Variants in RPS6KC1 observed in about 807,000 individuals in gnomAD.
RPS6KC1 encodes ribosomal protein S6 kinase C1.
Under a neutral mutation model 103.8 loss-of-function variants are expected in RPS6KC1, and 54 were observed. That is an observed-to-expected ratio of 0.52 (90% CI 0.42 to 0.65). RPS6KC1 has a LOEUF of 0.65. Among genes scored for constraint, RPS6KC1 ranks in the 30% least tolerant of loss-of-function variants. The pLI is 0.00. For missense variants in RPS6KC1, 1,151 were observed against 1,253.8 expected, an observed-to-expected ratio of 0.92 and a Z score of 1.24; for synonymous variants, 439 against 438.7, an observed-to-expected ratio of 1.00 and a Z score of -0.01.
chr1:213,837,418 A>G, the RPS6KC1 span: 4 of 152,340 alleles, frequency 2.6e-5, no homozygotes, highest in East Asian at 5.8e-4. Context: ...TTCAGAAGCA[A>G]AACAGTAAAT....
the RPS6KC1 span, among the ~76,000 whole-genome samples, chr1:213,403,225 G>A: frequency 1.3e-5 from 2 of 152,102 alleles, no homozygotes; most frequent in Non-Finnish European, 2.9e-5. Flanking sequence ...CACTTGCCAC[G>A]CTTTTCAACT....
the RPS6KC1 span, among the ~76,000 whole-genome samples, chr1:213,557,042 T>G: frequency 1.3e-5 from 2 of 152,250 alleles, no homozygotes; most frequent in Admixed American, 6.5e-5. Context: ...GTGGATCCAT[T>G]GTGTGAGGAG....
At chr1:213,301,384 C>T in the RPS6KC1 span, among the ~76,000 whole-genome samples, 1 of 152,132 alleles carries the variant, frequency 6.6e-6, no homozygotes, top group Non-Finnish European at 1.5e-5. Flanking sequence ...TTACACATTA[C>T]TCATTATAGA....
At chr1:213,565,813 G>C in the RPS6KC1 span, among the ~76,000 whole-genome samples, 20,574 of 152,032 alleles carry the variant, frequency 0.14, 1,601 homozygotes, top group Non-Finnish European at 0.17. Flanking sequence ...AAACCTGTAG[G>C]CTGGGCATGG....
At chr1:213,524,310 T>A in the RPS6KC1 span, among the ~76,000 whole-genome samples, 1 of 151,852 alleles carries the variant, frequency 6.6e-6, no homozygotes, top group East Asian at 1.9e-4. Flanking sequence ...AGAGGCCCTG[T>A]CTTACCCCAG....
intron 6 of RPS6KC1, among the ~76,000 whole-genome samples, chr1:213,158,466 T>C (rs2090137494): frequency 2.0e-5 from 3 of 152,228 alleles, no homozygotes; most frequent in Admixed American, 2.0e-4. Flanking sequence ...TTTAAGTTGT[T>C]ATAATACTTT....
chr1:213,804,948 C>G, the RPS6KC1 span, among the ~76,000 whole-genome samples: 5 of 152,176 alleles, frequency 3.3e-5, no homozygotes, highest in African/African-American at 1.2e-4. Context: ...AAGCAAATAT[C>G]GCAACAAAGC....
At chr1:213,678,076 A>T in the RPS6KC1 span, among the ~76,000 whole-genome samples, 2 of 151,910 alleles carry the variant, frequency 1.3e-5, no homozygotes, top group African/African-American at 4.8e-5. Context: ...CCTCTGAAGG[A>T]GTTTCTTGTT....
At chr1:213,290,251 G>A in the RPS6KC1 span, among the ~76,000 whole-genome samples, 1 of 151,982 alleles carries the variant, frequency 6.6e-6, no homozygotes, top group Non-Finnish European at 1.5e-5. Flanking sequence ...GCCAACGTGA[G>A]CCACGTTAGG....
At chr1:213,504,703 T>G in the RPS6KC1 span, among the ~76,000 whole-genome samples, 1 of 152,232 alleles carries the variant, frequency 6.6e-6, no homozygotes, top group Admixed American at 6.5e-5. Flanking sequence ...TTCTATTATT[T>G]TGTATCATTT....
chr1:213,322,700 T>G, the RPS6KC1 span, among the ~76,000 whole-genome samples: 1 of 152,232 alleles, frequency 6.6e-6, no homozygotes, highest in African/African-American at 2.4e-5. Context: ...CTGCCAGAAT[T>G]CCTCAGCTCG....
At chr1:213,280,245 G>C in the RPS6KC1 span, among the ~76,000 whole-genome samples, 30 of 152,186 alleles carry the variant, frequency 2.0e-4, no homozygotes, top group Non-Finnish European at 3.2e-4. Flanking sequence ...GATGGGCAGT[G>C]GTTCAGTTCC....
the RPS6KC1 span, among the ~76,000 whole-genome samples, chr1:213,653,972 A>C: frequency 5.3e-5 from 8 of 152,046 alleles, no homozygotes; most frequent in African/African-American, 1.9e-4. Flanking sequence ...TCAGGACTTG[A>C]GGTCATGTCT....
the RPS6KC1 span, among the ~76,000 whole-genome samples, chr1:213,836,323 G>T: frequency 1.3e-5 from 2 of 151,872 alleles, no homozygotes; most frequent in African/African-American, 4.8e-5. Context: ...AATTCCAAAT[G>T]ATGTTTTTGA....
At chr1:213,627,297 G>T in the RPS6KC1 span, among the ~76,000 whole-genome samples, 31 of 152,292 alleles carry the variant, frequency 2.0e-4, no homozygotes, top group African/African-American at 7.5e-4. Context: ...TGCTGAAGTT[G>T]CCTGTCAGCT....
chr1:213,068,183 A>G (rs1027293408), intron 1 of RPS6KC1, among the ~76,000 whole-genome samples: 2 of 152,140 alleles, frequency 1.3e-5, no homozygotes, highest in African/African-American at 4.8e-5. Context: ...TTCTCAATAC[A>G]TTTCATAAAA....
At chr1:213,647,611 C>A in the RPS6KC1 span, among the ~76,000 whole-genome samples, 4 of 152,102 alleles carry the variant, frequency 2.6e-5, no homozygotes, top group Non-Finnish European at 4.4e-5. Flanking sequence ...CCTGAGGTTC[C>A]TTTCAGCTCT....
rs2078304791 is a variant in RPS6KC1 at position 213,066,102 on chromosome 1, TAC to T, written c.106-4902_106-4901del. On this transcript the variant is annotated intron_variant, in intron 1 of 14. Transcript: ENST00000366960. ...ATAAAATTCTTCGCAAATGTAAATG[TAC>T]AGAGTCAAATTTTCCCTATGCCTAG... 4.6e-5 allele frequency among the ~76,000 whole-genome samples: 7 copies of T among 152,376 alleles called. No individual in the cohort carries two copies. In the South Asian group the frequency reaches 1.4e-3, roughly 32 times the overall value.
the RPS6KC1 span, among the ~76,000 whole-genome samples, chr1:213,331,303 G>T: frequency 3.3e-5 from 5 of 152,204 alleles, no homozygotes; most frequent in Non-Finnish European, 5.9e-5. Context: ...TGCCCACTCT[G>T]TGCAGGAGGG....
Sources: gnomAD v4.1 joint callset for allele counts (sites outside exome capture counted in the v4.1 genomes callset) on GRCh38, gnomAD v4.1.1 for gene constraint, MANE v1.5 for transcripts, NCBI Gene and HGNC (gene_info 2026-07-23, HGNC 2026-07-21) for gene names.